Variants in MAP3K1 observed in about 807,000 individuals in gnomAD.
MAP3K1 encodes mitogen-activated protein kinase kinase kinase 1.
MAP3K1 carries 36 observed loss-of-function variants against 144.2 expected under a neutral mutation model. That is an observed-to-expected ratio of 0.25 (90% CI 0.19 to 0.33). The LOEUF is 0.33. MAP3K1 is among the 10% of genes least tolerant of loss of function. The pLI, the probability that MAP3K1 is intolerant of heterozygous loss-of-function variation, is 1.00. For synonymous variants in MAP3K1, 718 were observed against 688.7 expected, an observed-to-expected ratio of 1.04 and a Z score of -0.67; for missense variants, 1,650 against 1,881.9, an observed-to-expected ratio of 0.88 and a Z score of 2.28.
In MAP3K1 at chr5:56,883,508, G is replaced by A; in HGVS notation, c.3667-19G>A. 3.7e-6 allele frequency: 6 copies of A among 1,612,522 alleles called. No individual in the cohort carries two copies. The highest frequency in any genetic ancestry group is 5.1e-6 in the Non-Finnish European group (6 of 1,178,694). ...TTACTCCTTTAACAGTAAAAAGATT[G>A]CTTTCGTTTAATATGTAGACACCAG... On this transcript the variant is annotated intron_variant, in intron 14 of 19. Transcript: ENST00000399503.
At chr5:56,827,345 G>A (rs781565635) in intron 1 of MAP3K1, among the ~76,000 whole-genome samples, 8 of 152,148 alleles carry the variant, frequency 5.3e-5, no homozygotes, top group Non-Finnish European at 1.0e-4. Context: ...TTAGGAAGTG[G>A]GTCAGGAGGC....
intron 1 of MAP3K1, among the ~76,000 whole-genome samples, chr5:56,830,262 A>G (rs910523964): frequency 9.9e-5 from 15 of 152,228 alleles, no homozygotes; most frequent in Non-Finnish European, 1.8e-4. Context: ...AAAATGTCAT[A>G]TATTTTAATT....
At chr5:56,816,742 G>T (rs1475407617) in intron 1 of MAP3K1, among the ~76,000 whole-genome samples, 1 of 152,224 alleles carries the variant, frequency 6.6e-6, no homozygotes, top group Non-Finnish European at 1.5e-5. Context: ...GCACACTCGC[G>T]GAGGCTTGCA....
Position 56,882,073 on chromosome 5 carries a change from C to G in MAP3K1, c.2873C>G (p.Thr958Arg). 1 of 1,614,100 alleles carries G rather than the reference C, an allele frequency of 6.2e-7. No homozygotes were observed. Among genetic ancestry groups the G allele is most frequent in the Non-Finnish European group, 8.5e-7 (1 of 1,180,038 alleles). ...GAGCAACCAAAGCCAATGGTTCAAA[C>G]AAAAGGCAGACCCCACAGTCAGTGT... Reference protein sequence around the residue: ...TTEQPKPMVQTKGRPHSQCLN... With the variant: ...TTEQPKPMVQRKGRPHSQCLN... Residue 958 changes from threonine to arginine, a missense_variant, in exon 14 of 20, where the codon ACA becomes AGA. By Grantham distance (71) the Thr-to-Arg change is moderately conservative. This residue lies in a region of MAP3K1 where 841 missense variants were observed against 886.5 expected (regional missense o/e 0.95). Transcript: ENST00000399503.
chr5:56,880,572 T>C (rs1748174380), intron 11 of MAP3K1, 139 bp from the exon 12 acceptor site: 7 of 706,644 alleles, frequency 9.9e-6, no homozygotes, highest in African/African-American at 1.8e-5. Context: ...ATTGTTAATA[T>C]GATTTTAGTG....
chr5:56,885,311 ATGTGATGAACAGAT>A (rs1748346784), intron 16 of MAP3K1, among the ~76,000 whole-genome samples: 1 of 152,216 alleles, frequency 6.6e-6, no homozygotes, highest in African/African-American at 2.4e-5. Context: ...TAATGACCTG[ATGTGATGAACAGAT>A]TGTTTGGTTT....
At chr5:56,840,503 T>C (rs1746780459) in intron 1 of MAP3K1, among the ~76,000 whole-genome samples, 1 of 152,220 alleles carries the variant, frequency 6.6e-6, no homozygotes, top group African/African-American at 2.4e-5. Context: ...CATTATTTAA[T>C]AATACAAAAC....
intron 15 of MAP3K1, 78 bp from the exon 16 acceptor site, chr5:56,884,586 T>A: frequency 2.2e-6 from 3 of 1,349,672 alleles, no homozygotes; most frequent in Non-Finnish European, 2.1e-6. Context: ...AATAAAGTGC[T>A]AGTTTGCATT....
rs559556186 is a variant in MAP3K1 at position 56,849,581 on chromosome 5, C to T, written c.483-7019C>T. On this transcript the variant is annotated intron_variant, in intron 1 of 19. Coordinates refer to ENST00000399503, the MANE Select transcript of MAP3K1 (RefSeq NM_005921.2). ...TATACATTGTTACTTCTTATGTAAA[C>T]CTACCTATGTTATAAATGTTGTATC... is the stretch of plus-strand genomic sequence containing the variant. Among the ~76,000 whole-genome samples the T allele has an allele frequency of 3.3e-5, 5 of 152,246 alleles. No homozygotes were observed. In the East Asian group the frequency reaches 9.6e-4, roughly 29 times the overall value.
chr5:56,884,691 G>T lies in MAP3K1; in HGVS notation c.3847G>T (p.Glu1283Ter). 1 of 1,613,768 alleles carries T rather than the reference G, an allele frequency of 6.2e-7. No individual in the cohort carries two copies. Among genetic ancestry groups the T allele is most frequent in the South Asian group, 1.1e-5 (1 of 91,058 alleles). ...GACTTATGTCAGAAACACATCTTCT[G>T]AGCAAGAAGAAGTAGTAGAAGCACT... Reference protein sequence around the residue: ...QVTYVRNTSSEQEEVVEALRE... With the variant: ...QVTYVRNTSS Residue 1283 changes from glutamate (E) to a stop codon, truncating the protein, a stop_gained, in exon 16 of 20, where the codon GAG (glutamate) becomes TAG (stop). Coordinates refer to ENST00000399503, the MANE Select transcript of MAP3K1 (RefSeq NM_005921.2). LOFTEE classifies it high-confidence loss of function.
chr5:56,816,236 C>G (rs943095688), intron 1 of MAP3K1, among the ~76,000 whole-genome samples, 181 bp downstream of exon 1: 1 of 152,044 alleles, frequency 6.6e-6, no homozygotes, highest in Non-Finnish European at 1.5e-5. Flanking sequence ...GCCCCGGACC[C>G]AGCCTGGGGG....
intron 2 of MAP3K1, among the ~76,000 whole-genome samples, chr5:56,859,036 A>G (rs577160306): frequency 1.3e-5 from 2 of 148,446 alleles, no homozygotes; most frequent in African/African-American, 5.0e-5. Context: ...GCCTTTGGTC[A>G]TGGCTAGATT....
intron 10 of MAP3K1, among the ~76,000 whole-genome samples, chr5:56,877,504 T>A (rs1579773681): frequency 7.3e-6 from 1 of 137,636 alleles, no homozygotes; most frequent in Admixed American, 7.5e-5. Context: ...TTCCTCTCCC[T>A]CCCTCTGCAT....
chr5:56,865,725 T>C (rs2111893492), intron 5 of MAP3K1, 104 bp from the exon 6 acceptor site: 5 of 1,277,504 alleles, frequency 3.9e-6, no homozygotes, highest in Non-Finnish European at 5.7e-6. Flanking sequence ...AAATCAACTT[T>C]ATGAAAAACA....
At chr5:56,887,245 CTG>C (rs1748404053) in intron 17 of MAP3K1, 131 bp from the exon 18 acceptor site, 1 of 807,676 alleles carries the variant, frequency 1.2e-6, no homozygotes, top group Non-Finnish European at 2.1e-6. Flanking sequence ...AAGAGAATAA[CTG>C]TTTGCACCTC....
intron 1 of MAP3K1, among the ~76,000 whole-genome samples, chr5:56,840,207 C>A (rs1746770690): frequency 6.6e-6 from 1 of 152,034 alleles, no homozygotes; most frequent in Non-Finnish European, 1.5e-5. Flanking sequence ...GAGTACAGTG[C>A]CCTGATCTCG....
At chr5:56,858,642 T>G (rs1006731960) in intron 2 of MAP3K1, among the ~76,000 whole-genome samples, 6 of 152,198 alleles carry the variant, frequency 3.9e-5, no homozygotes, top group African/African-American at 1.4e-4. Flanking sequence ...AAAATTAGAC[T>G]TATACATAAT....
chr5:56,821,483 T>C (rs1746151557), intron 1 of MAP3K1, among the ~76,000 whole-genome samples: 1 of 152,222 alleles, frequency 6.6e-6, no homozygotes, highest in African/African-American at 2.4e-5. Context: ...TAATGATGGA[T>C]AGACATGGAG....
chr5:56,859,863 C>G lies in MAP3K1; in HGVS notation c.782C>G (p.Thr261Arg). The change falls in exon 3 of 20, where the codon ACA (threonine) becomes AGA (arginine). Residue 261 changes from threonine (T) to arginine (R), a missense_variant. Around this residue, in one of 6 missense-constraint regions of MAP3K1, gnomAD observed 148 missense variants for 177.2 expected, o/e 0.84. Transcript: ENST00000399503. ...PSPGNSPSGR[T>R]VKSESPGVRR... is the part of the protein sequence containing the mutation. ...CCTGGCAACTCCCCATCAGGTCGCACAGTGAAATCAGAATCTCCAGGAGTA... is the reference window on the plus strand; with the variant it reads ...CCTGGCAACTCCCCATCAGGTCGCAGAGTGAAATCAGAATCTCCAGGAGTA... 6.2e-7 allele frequency: 1 copy of G among 1,613,744 alleles called. No homozygotes were observed. The highest frequency in any genetic ancestry group is 8.5e-7 in the Non-Finnish European group (1 of 1,179,890).
Sources: gnomAD v4.1 joint callset for allele counts (sites outside exome capture counted in the v4.1 genomes callset) on GRCh38, gnomAD v4.1.1 for gene constraint, gnomAD v4.1.1 regional missense constraint, MANE v1.5 for transcripts, NCBI Gene and HGNC (gene_info 2026-07-23, HGNC 2026-07-21) for gene names.